IL1RAPL1: variants seen among roughly 807,000 people sequenced by gnomAD.
The protein encoded by IL1RAPL1 is interleukin 1 receptor accessory protein like 1, also known as interleukin-1 receptor accessory protein-like 1.
IL1RAPL1 carries 3 observed loss-of-function variants against 48.4 expected under a neutral mutation model. That is an observed-to-expected ratio of 0.06 (90% CI 0.03 to 0.16). The LOEUF is 0.16. Ranked by LOEUF, IL1RAPL1 falls within the 10% of genes least tolerant of loss-of-function variation. The pLI is 1.00. For synonymous variants in IL1RAPL1, 185 were observed against 187.7 expected (o/e 0.99, Z 0.12); for missense variants, 349 against 530.6 (o/e 0.66, Z 3.36).
chrX:29,947,339 A>C (rs754067026), intron 9 of IL1RAPL1, among the ~76,000 whole-genome samples: 30 of 111,078 alleles, frequency 2.7e-4, no homozygotes, highest in Admixed American at 7.7e-4. Flanking sequence ...TGTTGTTTTC[A>C]GCTTTTTTTC....
At chrX:29,415,080 TGAA>T (rs1190145286) in intron 5 of IL1RAPL1, among the ~76,000 whole-genome samples, 3 of 111,883 alleles carry the variant, frequency 2.7e-5, no homozygotes, top group African/African-American at 9.7e-5. Context: ...TCTAGAATCT[TGAA>T]GAAAGATTCC....
rs149946877 is a variant in IL1RAPL1 at position 29,588,309 on chromosome X, G to A, written c.704-80121G>A. 5.3e-4 allele frequency among the ~76,000 whole-genome samples: 59 copies of A among 112,289 alleles called. No individual in the cohort carries two copies. The East Asian group carries it at 0.016, about 30-fold the overall frequency. ...TGCCCTATGAATTTATGGTGTAATG[G>A]ATAAGGCTTTCCTTGAATAAGTCAC... is the stretch of plus-strand genomic sequence containing the variant. On this transcript the variant is annotated intron_variant, in intron 5 of 10. Transcript: ENST00000378993.
chrX:28,762,786 G>GCGCGCACACACA (rs1366464632), intron 1 of IL1RAPL1, among the ~76,000 whole-genome samples: 9 of 62,963 alleles, frequency 1.4e-4, no homozygotes, highest in African/African-American at 5.7e-4. Flanking sequence ...GCACGCGCGC[G>GCGCGCACACACA]CACACACACA....
At chrX:29,800,760 G>A (rs1929855489) in intron 6 of IL1RAPL1, among the ~76,000 whole-genome samples, 1 of 101,345 alleles carries the variant, frequency 9.9e-6, no homozygotes, top group Non-Finnish European at 2.0e-5. Context: ...CGAGGTGGGC[G>A]GATCACCTGA....
intron 6 of IL1RAPL1, among the ~76,000 whole-genome samples, chrX:29,802,773 ATATATATATG>A (rs1296398637): frequency 1.4e-4 from 4 of 29,281 alleles, no homozygotes; most frequent in African/African-American, 3.9e-4. Flanking sequence ...ATATATATAT[ATATATATATG>A]TGTGTGTGTA....
chrX:28,732,442 C>G (rs1935767628), intron 1 of IL1RAPL1, among the ~76,000 whole-genome samples: 1 of 111,884 alleles, frequency 8.9e-6, no homozygotes, highest in South Asian at 3.7e-4. Context: ...GTTAACCTTT[C>G]ATACTGTGTG....
chrX:28,594,757 T>A (rs776026848), intron 1 of IL1RAPL1, among the ~76,000 whole-genome samples: 1 of 112,437 alleles, frequency 8.9e-6, no homozygotes, highest in Non-Finnish European at 1.9e-5. Context: ...TGATCAGTCG[T>A]CTGACTTCTG....
At chrX:29,379,285 T>A (rs1235460819) in intron 3 of IL1RAPL1, among the ~76,000 whole-genome samples, 2 of 112,240 alleles carry the variant, frequency 1.8e-5, no homozygotes, top group African/African-American at 6.5e-5. Context: ...AGGTAGAGGC[T>A]CTGGGAAGGG....
In IL1RAPL1 at chrX:29,382,193, AAG is replaced by A. The variant is rs1281971570; in HGVS notation, c.363-14063_363-14062del. Among the ~76,000 whole-genome samples, 3 of 111,392 alleles carry A rather than the reference AAG, an allele frequency of 2.7e-5. No homozygotes were observed. In the East Asian group the frequency reaches 8.5e-4, roughly 31 times the overall value. On this transcript the variant is annotated intron_variant, in intron 3 of 10. Transcript: ENST00000378993. ...TTAAGATATTCTTCACGTGCATATG[AAG>A]AATAATTTGGGAAAACTTGACATTC...
At chrX:29,166,407 G>A (rs936866759) in intron 2 of IL1RAPL1, among the ~76,000 whole-genome samples, 8 of 111,851 alleles carry the variant, frequency 7.2e-5, no homozygotes, top group Non-Finnish European at 1.3e-4. Context: ...CTGTCATAAA[G>A]TAATCTTCAT....
chrX:29,872,165 A>G (rs1931812656), intron 6 of IL1RAPL1, among the ~76,000 whole-genome samples: 1 of 112,190 alleles, frequency 8.9e-6, no homozygotes, highest in Admixed American at 9.4e-5. Context: ...TCAGAGAATT[A>G]GTATTGGTGG....
At chrX:29,081,909 T>C (rs2147449388) in intron 2 of IL1RAPL1, among the ~76,000 whole-genome samples, 1 of 109,846 alleles carries the variant, frequency 9.1e-6, no homozygotes, top group East Asian at 2.9e-4. Flanking sequence ...GTTTGAGGAG[T>C]CAAAATAGGA....
chrX:28,855,944 G>C (rs912426865), intron 2 of IL1RAPL1, among the ~76,000 whole-genome samples: 12 of 111,388 alleles, frequency 1.1e-4, no homozygotes, highest in Non-Finnish European at 1.9e-4. Flanking sequence ...GTTTCTTTGG[G>C]ATAAATTCTA....
At chrX:29,538,880 C>T (rs952535192) in intron 5 of IL1RAPL1, among the ~76,000 whole-genome samples, 4 of 111,351 alleles carry the variant, frequency 3.6e-5, no homozygotes, top group Non-Finnish European at 7.5e-5. Flanking sequence ...GTCTAAATAG[C>T]TGCCTTTCTT....
intron 3 of IL1RAPL1, among the ~76,000 whole-genome samples, chrX:29,367,762 G>A (rs1004399390): frequency 9.2e-6 from 1 of 108,405 alleles, no homozygotes; most frequent in African/African-American, 3.3e-5. Context: ...TGTATTTTTA[G>A]GAGACAGGTT....
chrX:28,637,351 C>T (rs1934477310), intron 1 of IL1RAPL1, among the ~76,000 whole-genome samples: 1 of 111,703 alleles, frequency 9.0e-6, no homozygotes, highest in African/African-American at 3.3e-5. Flanking sequence ...TATTCCCTGT[C>T]CAACCAGATA....
intron 6 of IL1RAPL1, among the ~76,000 whole-genome samples, chrX:29,694,854 A>G (rs1394945612): frequency 9.0e-6 from 1 of 111,659 alleles, no homozygotes; most frequent in Admixed American, 9.5e-5. Context: ...TCAGACCATA[A>G]CAGATGGATA....
chrX:29,486,417 G>A (rs1377089142), intron 5 of IL1RAPL1, among the ~76,000 whole-genome samples: 1 of 109,622 alleles, frequency 9.1e-6, no homozygotes, highest in Non-Finnish European at 1.9e-5. Flanking sequence ...GTGCCCAAAG[G>A]ACTAATCTAA....
intron 2 of IL1RAPL1, among the ~76,000 whole-genome samples, chrX:28,925,341 G>A (rs1054044298): frequency 5.4e-5 from 6 of 111,357 alleles, no homozygotes; most frequent in Non-Finnish European, 1.1e-4. Context: ...TAAATCATTC[G>A]TGATACATGA....
Sources: allele counts gnomAD v4.1 joint callset (sites outside exome capture counted in the v4.1 genomes callset), GRCh38; gene constraint gnomAD v4.1.1; transcripts MANE v1.5; gene names NCBI Gene and HGNC (gene_info 2026-07-23, HGNC 2026-07-21).